SHLD1: variants seen among roughly 807,000 people sequenced by gnomAD.
The protein encoded by SHLD1 is RINN1-REV7-interacting novel NHEJ regulator 3.
In SHLD1, 3 loss-of-function variants were observed where a neutral mutation model predicts 5.5. That is an observed-to-expected ratio of 0.54 (90% CI 0.25 to 1.40). The LOEUF (loss-of-function observed/expected upper bound fraction) is 1.40, where lower values mean the gene tolerates loss of function less well. Ranked by LOEUF, SHLD1 falls within the 40% of genes most tolerant of loss-of-function variation. The pLI is 0.15. For missense variants in SHLD1, 210 were observed against 244.4 expected (o/e 0.86, Z 0.94); for synonymous variants, 92 against 94.3 (o/e 0.98, Z 0.14).
chr20:5,822,190 G>A (rs995056161), intron 2 of SHLD1, among the ~76,000 whole-genome samples: 1 of 152,176 alleles, frequency 6.6e-6, no homozygotes, highest in Non-Finnish European at 1.5e-5. Flanking sequence ...AGGCATGGTG[G>A]CTCATGCCTG....
chr20:5,763,135 C>T lies in SHLD1; in HGVS notation c.-4-9727C>T, dbSNP rs949503832. On this transcript the variant is annotated intron_variant, in intron 1 of 2. Coordinates refer to ENST00000303142, the MANE Select transcript of SHLD1 (RefSeq NM_152504.4). ...CAGCCTGACCAACACGCAGAAACCC[C>T]GTCTCTACTAAAAACACAAAATTAT... Among the ~76,000 whole-genome samples the T allele has an allele frequency of 4.0e-5, 6 of 151,682 alleles. No homozygotes were observed. The East Asian group carries it at 1.2e-3, about 29-fold the overall frequency.
chr20:5,786,052 C>T (rs765151906), intron 2 of SHLD1, among the ~76,000 whole-genome samples: 2 of 152,034 alleles, frequency 1.3e-5, no homozygotes, highest in Non-Finnish European at 2.9e-5. Flanking sequence ...GAAAGCAGTA[C>T]CCCAAAATGA....
At position 5,766,136 on chromosome 20, in the gene SHLD1, G is replaced by A. The variant is rs189501615; in HGVS notation, c.-4-6726G>A. 1.6e-4 allele frequency among the ~76,000 whole-genome samples: 25 copies of A among 152,240 alleles called. No individual in the cohort carries two copies. The East Asian group carries it at 4.1e-3, about 25-fold the overall frequency. On this transcript the variant is annotated intron_variant, in intron 1 of 2. Coordinates refer to ENST00000303142, the MANE Select transcript of SHLD1 (RefSeq NM_152504.4). ...ATATGCCAGCATCATTCATTGACCC[G>A]TTTGTTCCCTTCCAGAAGCCTCTAG...
At chr20:5,775,143 A>G (rs1220705466) in intron 2 of SHLD1, among the ~76,000 whole-genome samples, 1 of 151,974 alleles carries the variant, frequency 6.6e-6, no homozygotes, top group East Asian at 1.9e-4. Flanking sequence ...AGCTGAAGCT[A>G]TCCTCCTGCC....
At chr20:5,772,785 T>C in intron 1 of SHLD1, 77 bp from the exon 2 acceptor site, 1 of 1,311,770 alleles carries the variant, frequency 7.6e-7, no homozygotes, top group Non-Finnish European at 1.0e-6. Context: ...AATAAAATTC[T>C]TCAAGCTCTG....
chr20:5,850,819 A>C (rs1272166219), intron 2 of SHLD1, among the ~76,000 whole-genome samples: 2 of 152,182 alleles, frequency 1.3e-5, no homozygotes, highest in Non-Finnish European at 1.5e-5. Flanking sequence ...GCCCAGTCCC[A>C]GCTTTACTTC....
At chr20:5,834,854 C>T (rs71338513) in intron 2 of SHLD1, among the ~76,000 whole-genome samples, 9,654 of 152,236 alleles carry the variant, frequency 0.063, 438 homozygotes, top group Non-Finnish European at 0.097. Flanking sequence ...TCACAGAGGG[C>T]ACCTTCTAGT....
intron 2 of SHLD1, among the ~76,000 whole-genome samples, chr20:5,859,769 A>T (rs2088136304): frequency 6.6e-6 from 1 of 152,184 alleles, no homozygotes; most frequent in African/African-American, 2.4e-5. Context: ...CTCAACCCGT[A>T]TGTCATTGGT....
chr20:5,753,492 C>T (rs1983881667), intron 1 of SHLD1, among the ~76,000 whole-genome samples: 1 of 152,120 alleles, frequency 6.6e-6, no homozygotes, highest in Admixed American at 6.6e-5. Context: ...TAAAAAGCAG[C>T]CCCAAATCAT....
intron 2 of SHLD1, among the ~76,000 whole-genome samples, chr20:5,787,623 C>T (rs767018507): frequency 9.2e-5 from 14 of 152,326 alleles, no homozygotes; most frequent in South Asian, 4.1e-4. Context: ...CTGCCTGCTA[C>T]GCCTAGACCC....
chr20:5,766,924 C>A (rs1291183839), intron 1 of SHLD1, among the ~76,000 whole-genome samples: 1 of 152,038 alleles, frequency 6.6e-6, no homozygotes, highest in Admixed American at 6.6e-5. Context: ...TTCTTTCATG[C>A]AAACATATGT....
At chr20:5,772,196 A>G (rs1403139346) in intron 1 of SHLD1, 1 of 454,154 alleles carries the variant, frequency 2.2e-6, no homozygotes, top group Admixed American at 2.4e-5. Flanking sequence ...TTTTTGCCTA[A>G]AGAAAGTATT....
intron 2 of SHLD1, among the ~76,000 whole-genome samples, chr20:5,802,120 TA>T (rs1334530746): frequency 5.9e-5 from 9 of 152,234 alleles, no homozygotes; most frequent in African/African-American, 1.9e-4. Context: ...GAGGGCCTTT[TA>T]AGGAATTTCT....
rs115756755 is a variant in SHLD1, at chr20:5,806,668, A to G, written c.178+33625A>G. The stretch of plus-strand genomic sequence containing the variant: ...CGCCTGCTTCTGGCCATGGACAGAG[A>G]GATTCAGCATCACCATGTCATTGCA... On this transcript the variant is annotated intron_variant, in intron 2 of 2. Transcript: ENST00000303142. This position sits in a 1 kb window ranked among gnomAD's most constrained non-coding sequence, Gnocchi z 7.6. 1.8e-3 allele frequency among the ~76,000 whole-genome samples: 280 copies of G among 152,302 alleles called. 1 individual carries two copies. The highest frequency in any genetic ancestry group is 6.4e-3 in the African/African-American group (268 of 41,558).
intron 2 of SHLD1, among the ~76,000 whole-genome samples, chr20:5,848,901 C>T (rs190776569): frequency 1.5e-4 from 23 of 152,238 alleles, no homozygotes; most frequent in Admixed American, 9.2e-4. Flanking sequence ...GCCACTTTCC[C>T]TCTGAGTGAT....
At chr20:5,764,313 G>A (rs1432740188) in intron 1 of SHLD1, among the ~76,000 whole-genome samples, 1 of 148,612 alleles carries the variant, frequency 6.7e-6, no homozygotes, top group Non-Finnish European at 1.5e-5. Context: ...GACAGCAGGG[G>A]TTCAAACCCA....
intron 2 of SHLD1, among the ~76,000 whole-genome samples, chr20:5,798,054 A>G (rs939767983): frequency 6.6e-6 from 1 of 152,202 alleles, no homozygotes; most frequent in Non-Finnish European, 1.5e-5. Flanking sequence ...CTTATGGTCC[A>G]TGTGATATTG....
At chr20:5,853,742 C>G (rs889177504) in intron 2 of SHLD1, among the ~76,000 whole-genome samples, 1 of 152,096 alleles carries the variant, frequency 6.6e-6, no homozygotes, top group Admixed American at 6.6e-5. Context: ...AGACTATGTC[C>G]CCTGCCTCTG....
intron 2 of SHLD1, among the ~76,000 whole-genome samples, chr20:5,783,013 G>C (rs2122278463): frequency 6.6e-6 from 1 of 152,264 alleles, no homozygotes; most frequent in East Asian, 1.9e-4. Flanking sequence ...CTAATACCCA[G>C]TCACTAGACC....
Sources: allele counts gnomAD v4.1 joint callset (sites outside exome capture counted in the v4.1 genomes callset), GRCh38; gene constraint gnomAD v4.1.1; non-coding constraint Gnocchi (gnomAD v3.1); transcripts MANE v1.5; gene names NCBI Gene and HGNC (gene_info 2026-07-23, HGNC 2026-07-21).